LMBR1: variants seen among roughly 807,000 people sequenced by gnomAD.
The protein encoded by LMBR1 is limb region 1 protein homolog.
LMBR1 carries 52 observed loss-of-function variants against 73.9 expected under a neutral mutation model. That is an observed-to-expected ratio of 0.70 (90% CI 0.56 to 0.89). LMBR1 has a LOEUF of 0.89. Among genes scored for constraint, LMBR1 ranks in the 40% least tolerant of loss-of-function variants. The probability of loss-of-function intolerance (pLI) is 0.00; values close to 1 mark genes in which losing one functional copy is unlikely to be tolerated. For synonymous variants in LMBR1, 215 were observed against 209.4 expected (o/e 1.03, Z -0.23); for missense variants, 539 against 579.8 (o/e 0.93, Z 0.72).
chr7:156,736,366 T>C (rs1383285309), intron 9 of LMBR1: 1 of 203,526 alleles, frequency 4.9e-6, no homozygotes, highest in East Asian at 1.4e-4. Context: ...AGAGCTTGCA[T>C]TCATTATTTA....
chr7:156,892,230 A>T (rs35028312), intron 1 of LMBR1, among the ~76,000 whole-genome samples: 69,715 of 152,100 alleles, frequency 0.46, 16,193 homozygotes, highest in East Asian at 0.61. Flanking sequence ...CTCACTCCCA[A>T]AAATAACCAA....
chr7:156,862,827 T>A (rs1797918241), intron 1 of LMBR1, among the ~76,000 whole-genome samples: 1 of 152,216 alleles, frequency 6.6e-6, no homozygotes, highest in Admixed American at 6.5e-5. Flanking sequence ...GCCTTCAAGC[T>A]GATACATCAG....
intron 5 of LMBR1, among the ~76,000 whole-genome samples, chr7:156,793,708 A>G (rs1459115241): frequency 6.6e-6 from 1 of 152,240 alleles, no homozygotes; most frequent in Non-Finnish European, 1.5e-5. Flanking sequence ...TTTATAGAAT[A>G]CTTATTAGTC....
At position 156,688,612 on chromosome 7, in the gene LMBR1, C is replaced by T. The variant is rs371127184; in HGVS notation, c.1226-421G>A. On this transcript the variant is annotated intron_variant, in intron 15 of 16. Transcript: ENST00000353442. ...ATGCCTGAGAACATCCTTACACCTC[C>T]TCTGCTGCTGCTCTCTGGAGGAACT... Among the ~76,000 whole-genome samples the T allele has an allele frequency of 7.2e-5, 11 of 152,164 alleles. No homozygotes were observed. In the East Asian group the frequency reaches 1.5e-3, roughly 21 times the overall value.
chr7:156,716,349 G>C (rs942686755), intron 15 of LMBR1, among the ~76,000 whole-genome samples: 4 of 152,204 alleles, frequency 2.6e-5, no homozygotes, highest in Admixed American at 2.0e-4. Flanking sequence ...TTTTAGTCAT[G>C]AGGATTTACG....
chr7:156,864,155 AAAAAAAT>A (rs749142847), intron 1 of LMBR1, among the ~76,000 whole-genome samples: 12 of 122,068 alleles, frequency 9.8e-5, no homozygotes, highest in East Asian at 3.8e-4. Context: ...CTGTCTCACA[AAAAAAAT>A]AAAAAATAAA....
chr7:156,785,394 A>G (rs935666474), intron 5 of LMBR1, among the ~76,000 whole-genome samples: 1 of 152,246 alleles, frequency 6.6e-6, no homozygotes, highest in Non-Finnish European at 1.5e-5. Context: ...CAAGCTAAAC[A>G]GTAAAAGTAA....
chr7:156,892,898 A>G lies in LMBR1; in HGVS notation c.66+30T>C, dbSNP rs117913319. On this transcript the variant is annotated intron_variant, in intron 1 of 16. Transcript: ENST00000353442. The stretch of plus-strand genomic sequence containing the variant: ...CGGAGGGCCCGGGCGGGCACGCGGG[A>G]CTGTCAGGGCTGCCTCGGTCCCCAC... The G allele has an allele frequency of 0.24, 341,561 of 1,430,046 alleles. 42,288 individuals are homozygous for G. The highest frequency in any genetic ancestry group is 0.25 in the Admixed American group (9,804 of 38,694). The allele number at this position is 1,430,046 out of a possible 1,614,324, so 88.6% of individuals were successfully genotyped here.
At chr7:156,806,684 T>C (rs570503393) in intron 4 of LMBR1, among the ~76,000 whole-genome samples, 8 of 137,604 alleles carry the variant, frequency 5.8e-5, no homozygotes, top group African/African-American at 2.2e-4. Context: ...ATTTCTCAGC[T>C]CACTGCAACC....
chr7:156,751,347 A>G (rs556605836), intron 9 of LMBR1, among the ~76,000 whole-genome samples: 8 of 152,292 alleles, frequency 5.3e-5, no homozygotes, highest in African/African-American at 1.9e-4. Context: ...CCTGGAAGAG[A>G]GAAGGTGGAG....
At chr7:156,725,297 A>T (rs747961315) in intron 14 of LMBR1, 138 bp downstream of exon 14, 1 of 573,848 alleles carries the variant, frequency 1.7e-6, no homozygotes, top group Non-Finnish European at 3.2e-6. Flanking sequence ...GCATTTTGAA[A>T]ATCTTCCAGT....
downstream of LMBR1, chr7:156,675,596 C>T (rs960718796): frequency 1.7e-5 from 15 of 904,716 alleles, no homozygotes; most frequent in South Asian, 6.0e-5. Context: ...AAGACAGAGA[C>T]GAGGAAGGTT....
rs539493603 is a variant in LMBR1 at position 156,720,934 on chromosome 7, C to T, written c.1225+3178G>A. ...CAGGGTACAGATAAATAGGGATTAC[C>T]AAAACCCCAAATAAAGACCTCTCCA... On this transcript the variant is annotated intron_variant, in intron 15 of 16. Coordinates refer to ENST00000353442, the MANE Select transcript of LMBR1 (RefSeq NM_022458.4). 3.3e-5 allele frequency among the ~76,000 whole-genome samples: 5 copies of T among 151,924 alleles called. No individual in the cohort carries two copies. The South Asian group carries it at 1.0e-3, about 32-fold the overall frequency.
chr7:156,884,992 C>G (rs571174856), intron 1 of LMBR1, among the ~76,000 whole-genome samples: 2 of 152,280 alleles, frequency 1.3e-5, no homozygotes, highest in South Asian at 4.2e-4. Context: ...CCCATTATCT[C>G]CCCACCTCCC....
At position 156,727,730 on chromosome 7, in the gene LMBR1, G is replaced by C. The variant is rs114746933; in HGVS notation, c.993+200C>G. ...AGGAAATTCCAACACTTGAAAAAAG[G>C]CCCTGTCAATCCAAAGTAAAAAATT... On this transcript the variant is annotated intron_variant, in intron 12 of 16. Coordinates refer to ENST00000353442, the MANE Select transcript of LMBR1 (RefSeq NM_022458.4). Among the ~76,000 whole-genome samples the C allele has an allele frequency of 2.3e-3, 353 of 151,986 alleles. 4 individuals carry two copies. The highest frequency in any genetic ancestry group is 8.2e-3 in the African/African-American group (340 of 41,488).
chr7:156,766,850 T>C (rs1010145884), intron 5 of LMBR1, among the ~76,000 whole-genome samples: 1 of 152,118 alleles, frequency 6.6e-6, no homozygotes, highest in Non-Finnish European at 1.5e-5. Context: ...ATCATGATGG[T>C]GTGAACTGTG....
chr7:156,792,652 C>T (rs1037947621), intron 5 of LMBR1, among the ~76,000 whole-genome samples: 2 of 152,338 alleles, frequency 1.3e-5, no homozygotes, highest in East Asian at 1.9e-4. Flanking sequence ...TAGTCAACCC[C>T]CCAGGCCTAA....
chr7:156,744,569 G>A (rs1159968389), intron 9 of LMBR1, among the ~76,000 whole-genome samples: 1 of 151,666 alleles, frequency 6.6e-6, no homozygotes, highest in East Asian at 1.9e-4. Flanking sequence ...CAGTATCTTA[G>A]CTCTGCACTT....
downstream of LMBR1, chr7:156,675,676 C>T (rs372537566): frequency 1.1e-4 from 168 of 1,594,390 alleles, no homozygotes; most frequent in East Asian, 2.9e-3. Context: ...TGAGCTTACC[C>T]GCCCCCGCCT....
Sources: allele counts gnomAD v4.1 joint callset (sites outside exome capture counted in the v4.1 genomes callset), GRCh38; gene constraint gnomAD v4.1.1; transcripts MANE v1.5; gene names NCBI Gene and HGNC (gene_info 2026-07-23, HGNC 2026-07-21).